The following EPB41L3 variants were observed in gnomAD, a reference collection of about 807,000 sequenced individuals.
The protein encoded by EPB41L3 is band 4.1-like protein 3.
Under a neutral mutation model 127.1 loss-of-function variants are expected in EPB41L3, and 57 were observed. The ratio of observed to expected loss-of-function variants is 0.45; its 90% CI spans 0.36 to 0.56. The LOEUF (loss-of-function observed/expected upper bound fraction) is 0.56. Ranked by LOEUF, EPB41L3 falls within the 20% of genes least tolerant of loss-of-function variation. The pLI is 0.00. For missense variants in EPB41L3, 1,273 were observed against 1,372.2 expected (o/e 0.93, Z 1.14); for synonymous variants, 572 against 549.5 (o/e 1.04, Z -0.57).
chr18:5,479,487 C>T (rs2293228), intron 2 of EPB41L3: 2 of 152,016 alleles, frequency 1.3e-5, no homozygotes, highest in African/African-American at 2.4e-5. Flanking sequence ...TTTTATAACA[C>T]TAATATAATT....
intron 1 of EPB41L3, among the ~76,000 whole-genome samples, chr18:5,527,907 A>G (rs1480497652): frequency 6.6e-6 from 1 of 152,232 alleles, no homozygotes; most frequent in Non-Finnish European, 1.5e-5. Context: ...AGAATACTAC[A>G]GATATCAACA....
intron 3 of EPB41L3, among the ~76,000 whole-genome samples, chr18:5,466,072 C>A (rs1171027893): frequency 6.6e-6 from 1 of 152,020 alleles, no homozygotes; most frequent in African/African-American, 2.4e-5. Context: ...TTCCATTTCC[C>A]ACTGAATTAT....
Position 5,499,445 on chromosome 18 carries a change from A to C in EPB41L3, c.-11-10251T>G, listed in dbSNP as rs185570177. On this transcript the variant is annotated intron_variant, in intron 1 of 22. Coordinates refer to ENST00000341928, the MANE Select transcript of EPB41L3 (RefSeq NM_012307.5). ...TTTTACTCACTGTAAGTCAAATATT[A>C]ATCAATTCAAATTTTTGTAAAATTA... Among the ~76,000 whole-genome samples the C allele has an allele frequency of 5.5e-5, 8 of 146,172 alleles. No individual in the cohort carries two copies. In the East Asian group the frequency reaches 1.5e-3, roughly 28 times the overall value.
chr18:5,409,689 A>T (rs913576276), intron 14 of EPB41L3, among the ~76,000 whole-genome samples: 5 of 140,052 alleles, frequency 3.6e-5, no homozygotes, highest in African/African-American at 1.3e-4. Context: ...CAAACTAGAA[A>T]ATATTATTAT....
At chr18:5,621,595 G>A (rs1727147846) in intron 1 of EPB41L3, among the ~76,000 whole-genome samples, 1 of 152,104 alleles carries the variant, frequency 6.6e-6, no homozygotes, top group South Asian at 2.1e-4. Flanking sequence ...AAAAAAAATA[G>A]CGAGATATGG....
intron 3 of EPB41L3, among the ~76,000 whole-genome samples, chr18:5,585,514 G>C (rs941085248): frequency 6.6e-6 from 1 of 152,102 alleles, no homozygotes; most frequent in Non-Finnish European, 1.5e-5. Flanking sequence ...ATGTTGGCCA[G>C]GCTGGCCAAC....
rs1423130826 is a variant in EPB41L3 at position 5,397,523 on chromosome 18, C to T, written c.2473-97G>A. 5.6e-6 allele frequency: 8 copies of T among 1,417,600 alleles called. No individual in the cohort carries two copies. Among genetic ancestry groups the T allele is most frequent in the Admixed American group, 2.3e-5 (1 of 42,968 alleles). 87.8% of individuals were successfully genotyped at this position (1,417,600 alleles called of 1,614,324 possible). On this transcript the variant is annotated intron_variant, in intron 17 of 22. Transcript: ENST00000341928. The surrounding 1 kb of genome is among the most constrained non-coding windows in gnomAD (Gnocchi z 4.1). ...CACTCGCCAGGATGTCTAAAGCCAG[C>T]AGCAAGTGCTTATAACCAGAAACAC...
chr18:5,461,091 C>T (rs1050856092), intron 3 of EPB41L3, among the ~76,000 whole-genome samples: 3 of 152,072 alleles, frequency 2.0e-5, no homozygotes, highest in Non-Finnish European at 4.4e-5. Context: ...TTTTGTAAGT[C>T]GTGACGTCTG....
At position 5,605,422 on chromosome 18, in the gene EPB41L3, A is replaced by G. The variant is rs114990917; in HGVS notation, c.-306+6918T>C. On this transcript the variant is annotated intron_variant, in intron 3 of 21. Transcript: ENST00000545076. ...TTTTTTTAGATGGAGTCTGCTGCCC[A>G]GGCTGGAGTGCAGTGGTGCACTCAT... 9.2e-3 allele frequency among the ~76,000 whole-genome samples: 1,397 copies of G among 152,130 alleles called. 22 individuals carry two copies. The highest frequency in any genetic ancestry group is 0.032 in the African/African-American group (1,327 of 41,468).
At chr18:5,549,774 G>T (rs1388081769) in intron 3 of EPB41L3, among the ~76,000 whole-genome samples, 1 of 152,032 alleles carries the variant, frequency 6.6e-6, no homozygotes, top group African/African-American at 2.4e-5. Context: ...TGATCTAGGC[G>T]ACCAGTCCAT....
chr18:5,494,571 C>T (rs1278018399), intron 1 of EPB41L3, among the ~76,000 whole-genome samples: 1 of 151,936 alleles, frequency 6.6e-6, no homozygotes, highest in Admixed American at 6.6e-5. Flanking sequence ...GCAGGAGAAT[C>T]GCTTGAACCG....
chr18:5,451,124 T>C (rs2082229118), intron 3 of EPB41L3, among the ~76,000 whole-genome samples: 1 of 152,160 alleles, frequency 6.6e-6, no homozygotes, highest in Non-Finnish European at 1.5e-5. Flanking sequence ...TATAAAGAGG[T>C]ATTTCCTTTT....
intron 3 of EPB41L3, among the ~76,000 whole-genome samples, chr18:5,607,156 A>T (rs1345238653): frequency 6.6e-6 from 1 of 152,226 alleles, no homozygotes; most frequent in Non-Finnish European, 1.5e-5. Context: ...AACTACTAGA[A>T]GCCATGTGAA....
intron 3 of EPB41L3, among the ~76,000 whole-genome samples, chr18:5,560,778 G>T (rs1242902810): frequency 6.6e-6 from 1 of 151,962 alleles, no homozygotes; most frequent in African/African-American, 2.4e-5. Context: ...GCTTTATTTT[G>T]GGGGGTGGGG....
chr18:5,626,405 T>C (rs1219549938), intron 1 of EPB41L3, among the ~76,000 whole-genome samples: 2 of 152,248 alleles, frequency 1.3e-5, no homozygotes, highest in African/African-American at 4.8e-5. Flanking sequence ...TGACCAATCA[T>C]ACACATTTTC....
At chr18:5,469,838 A>G (rs1030595733) in intron 3 of EPB41L3, among the ~76,000 whole-genome samples, 2 of 150,878 alleles carry the variant, frequency 1.3e-5, no homozygotes, top group African/African-American at 2.4e-5. Flanking sequence ...CACTGGCGCA[A>G]TCTTGGCTCA....
rs117186018 is a variant in EPB41L3, at chr18:5,433,112, C to T, written c.912+357G>A. Among the ~76,000 whole-genome samples the T allele has an allele frequency of 7.5e-4, 114 of 151,478 alleles. No homozygotes were observed. The East Asian group carries it at 0.019, about 25-fold the overall frequency. ...TCTGATGGGAGCAAAGGTTATGTGA[C>T]GGCACAGAGTGGGAAATACGACTGT... is the stretch of plus-strand genomic sequence containing the variant. On this transcript the variant is annotated intron_variant, in intron 8 of 22. Transcript: ENST00000341928.
At chr18:5,484,757 G>C (rs1209342234) in intron 2 of EPB41L3, among the ~76,000 whole-genome samples, 1 of 151,846 alleles carries the variant, frequency 6.6e-6, no homozygotes, top group Non-Finnish European at 1.5e-5. Context: ...TAAATTTCTA[G>C]ACACATACAA....
intron 1 of EPB41L3, among the ~76,000 whole-genome samples, chr18:5,513,393 G>A (rs753750001): frequency 6.6e-6 from 1 of 152,094 alleles, no homozygotes; most frequent in Non-Finnish European, 1.5e-5. Flanking sequence ...AAAAGGAAAG[G>A]GTAGGATAGC....
Sources: allele counts gnomAD v4.1 joint callset (sites outside exome capture counted in the v4.1 genomes callset), GRCh38; gene constraint gnomAD v4.1.1; non-coding constraint Gnocchi (gnomAD v3.1); transcripts MANE v1.5; gene names NCBI Gene and HGNC (gene_info 2026-07-23, HGNC 2026-07-21).